GRIN2B: variants seen among roughly 807,000 people sequenced by gnomAD.
GRIN2B encodes the protein glutamate receptor ionotropic, NMDA 2B.
GRIN2B carries 5 observed loss-of-function variants against 114.5 expected under a neutral mutation model. The observed-to-expected ratio is 0.04, with a 90% CI of 0.02 to 0.09. GRIN2B has a LOEUF of 0.09. Ranked by LOEUF, GRIN2B falls within the 10% of genes least tolerant of loss-of-function variation. The pLI, the probability that GRIN2B is intolerant of heterozygous loss-of-function variation, is 1.00. For missense variants in GRIN2B, 1,108 were observed against 1,943.5 expected (o/e 0.57, Z 8.08); for synonymous variants, 787 against 745.1 (o/e 1.06, Z -0.92).
intron 3 of GRIN2B, among the ~76,000 whole-genome samples, chr12:13,863,734 T>C (rs551427228): frequency 1.4e-4 from 22 of 152,218 alleles, no homozygotes; most frequent in Admixed American, 1.2e-3. Context: ...TATAATGATG[T>C]TGTGGATTTG....
intron 3 of GRIN2B, among the ~76,000 whole-genome samples, chr12:13,772,883 T>C (rs1269591814): frequency 1.3e-5 from 2 of 152,210 alleles, no homozygotes; most frequent in African/African-American, 2.4e-5. Context: ...CCCTGCTCTA[T>C]AGCAAATGTA....
chr12:13,795,636 T>C (rs910130134), intron 3 of GRIN2B, among the ~76,000 whole-genome samples: 1 of 152,216 alleles, frequency 6.6e-6, no homozygotes, highest in Non-Finnish European at 1.5e-5. Context: ...TGCATATGTA[T>C]GTTTATTGCA....
chr12:13,581,576 G>A (rs963927763), intron 10 of GRIN2B, among the ~76,000 whole-genome samples: 2 of 152,184 alleles, frequency 1.3e-5, no homozygotes, highest in African/African-American at 4.8e-5. Context: ...ATAAGTGCTT[G>A]GGACAGATGT....
chr12:13,587,022 CA>C (rs1948934933), intron 10 of GRIN2B, among the ~76,000 whole-genome samples: 1 of 152,148 alleles, frequency 6.6e-6, no homozygotes, highest in South Asian at 2.1e-4. Context: ...GTGAACAAAA[CA>C]GACAAATTCT....
At chr12:13,893,265 T>C (rs1866293826) in intron 2 of GRIN2B, among the ~76,000 whole-genome samples, 2 of 152,168 alleles carry the variant, frequency 1.3e-5, no homozygotes, top group African/African-American at 4.8e-5. Flanking sequence ...TCTAATCATA[T>C]GGCCAACTAC....
intron 2 of GRIN2B, among the ~76,000 whole-genome samples, chr12:13,918,423 G>A (rs563226794): frequency 4.2e-4 from 64 of 152,182 alleles, no homozygotes; most frequent in African/African-American, 1.4e-3. Context: ...AAAAGGATAC[G>A]GAAAATAGTC....
intron 4 of GRIN2B, among the ~76,000 whole-genome samples, chr12:13,712,084 T>C (rs1268325662): frequency 6.6e-6 from 1 of 152,024 alleles, no homozygotes; most frequent in East Asian, 1.9e-4. Flanking sequence ...TGTAGGGACA[T>C]GGATGAAGCC....
chr12:13,637,608 T>C (rs930624694), intron 5 of GRIN2B, among the ~76,000 whole-genome samples: 2 of 152,106 alleles, frequency 1.3e-5, no homozygotes, highest in African/African-American at 4.8e-5. Context: ...GTCAGAATTC[T>C]CTCAAAATGA....
chr12:13,916,577 G>T (rs1472184623), intron 2 of GRIN2B, among the ~76,000 whole-genome samples: 6 of 152,032 alleles, frequency 3.9e-5, no homozygotes, highest in Non-Finnish European at 7.4e-5. Context: ...GGCCAGGCGT[G>T]GTGGCTCACG....
At chr12:13,836,043 G>A (rs546083567) in intron 3 of GRIN2B, among the ~76,000 whole-genome samples, 4 of 152,346 alleles carry the variant, frequency 2.6e-5, no homozygotes, top group African/African-American at 7.2e-5. Context: ...ATACAGCGAA[G>A]CTGCAAGTCC....
Position 13,558,535 on chromosome 12 carries a change from G to A in GRIN2B, c.*4248C>T, listed in dbSNP as rs1444103463. The A allele has an allele frequency of 6.6e-6, 1 of 151,396 alleles. No homozygotes were observed. Among genetic ancestry groups the A allele is most frequent in the Non-Finnish European group, 1.5e-5 (1 of 67,976 alleles). 9.4% of individuals were successfully genotyped at this position (151,396 alleles called of 1,614,324 possible). A position where few individuals can be genotyped will look rare whatever the true frequency, so the allele number is the denominator to read the frequency against. The stretch of plus-strand genomic sequence containing the variant: ...TCTTAGTGACATGTGCAGGTGACCA[G>A]CACTCTGCAGAGAATTCTCCCTTGG... On this transcript the variant is annotated 3_prime_UTR_variant, in exon 14 of 14. Transcript: ENST00000609686.
At position 13,545,318 on chromosome 12, in the gene GRIN2B, A is replaced by G. The variant is rs975914739; in HGVS notation, c.*17465T>C. 4 of 152,270 alleles carry G rather than the reference A, an allele frequency of 2.6e-5. No homozygotes were observed. The East Asian group carries it at 7.7e-4, about 29-fold the overall frequency. 9.4% of individuals were successfully genotyped at this position (152,270 alleles called of 1,614,324 possible). On this transcript the variant is annotated 3_prime_UTR_variant, in exon 14 of 14. Transcript: ENST00000609686. ...TCTGCATGACACTTTGCACTATCTGACATGAGATCTATTGATTTGCTTTTT... is the reference window on the plus strand; with the variant it reads ...TCTGCATGACACTTTGCACTATCTGGCATGAGATCTATTGATTTGCTTTTT...
At chr12:13,740,760 AGTT>A (rs1863268636) in intron 4 of GRIN2B, among the ~76,000 whole-genome samples, 1 of 152,204 alleles carries the variant, frequency 6.6e-6, no homozygotes, top group Admixed American at 6.5e-5. Context: ...AAAGACTACA[AGTT>A]GTTGTTTTTT....
intron 2 of GRIN2B, among the ~76,000 whole-genome samples, chr12:13,932,573 G>A (rs1867053084): frequency 6.6e-6 from 1 of 152,168 alleles, no homozygotes; most frequent in Non-Finnish European, 1.5e-5. Flanking sequence ...TATTTCAGAT[G>A]TATTAAGCAT....
chr12:13,939,282 G>A (rs1300746095), intron 2 of GRIN2B, among the ~76,000 whole-genome samples: 1 of 152,136 alleles, frequency 6.6e-6, no homozygotes, highest in Non-Finnish European at 1.5e-5. Context: ...CCCCAGTGTT[G>A]GAGGTGGGGC....
At position 13,754,455 on chromosome 12, in the gene GRIN2B, G is replaced by A. The variant is rs375829753; in HGVS notation, c.412-540C>T. Among the ~76,000 whole-genome samples, 17 of 152,232 alleles carry A rather than the reference G, an allele frequency of 1.1e-4. No homozygotes were observed. The South Asian group carries it at 1.9e-3, about 17-fold the overall frequency. On this transcript the variant is annotated intron_variant, in intron 3 of 13. Transcript: ENST00000609686. ...GAGTGCATAATCCAAAAATGTCATTGAGCTACACATAAACCTATCTACGGA... is the reference window on the plus strand; with the variant it reads ...GAGTGCATAATCCAAAAATGTCATTAAGCTACACATAAACCTATCTACGGA...
intron 3 of GRIN2B, among the ~76,000 whole-genome samples, chr12:13,786,331 T>C (rs561813270): frequency 6.6e-6 from 1 of 152,310 alleles, no homozygotes; most frequent in East Asian, 1.9e-4. Context: ...CCTGTTAATA[T>C]ACAACTGAAC....
intron 2 of GRIN2B, among the ~76,000 whole-genome samples, chr12:13,965,753 T>C (rs1325198796): frequency 1.3e-5 from 2 of 152,238 alleles, no homozygotes; most frequent in African/African-American, 4.8e-5. Flanking sequence ...AAAAATGATA[T>C]GCTTTATTGT....
intron 4 of GRIN2B, among the ~76,000 whole-genome samples, chr12:13,714,149 C>T (rs1311806345): frequency 6.6e-6 from 1 of 151,782 alleles, no homozygotes; most frequent in Non-Finnish European, 1.5e-5. Flanking sequence ...TGTCCTCCCT[C>T]CCCCACCCAC....
Sources: gnomAD v4.1 joint callset for allele counts (sites outside exome capture counted in the v4.1 genomes callset) on GRCh38, gnomAD v4.1.1 for gene constraint, MANE v1.5 for transcripts, NCBI Gene and HGNC (gene_info 2026-07-23, HGNC 2026-07-21) for gene names.